ARHGAP24: variants seen among roughly 807,000 people sequenced by gnomAD.
ARHGAP24 encodes rho GTPase-activating protein 24.
A neutral mutation model predicts 76.4 loss-of-function variants in ARHGAP24; 50 were observed. That is an observed-to-expected ratio of 0.65 (90% CI 0.52 to 0.83). The LOEUF (loss-of-function observed/expected upper bound fraction) is 0.83, where lower values mean the gene tolerates loss of function less well. ARHGAP24 is among the 40% of genes least tolerant of loss of function. The probability of loss-of-function intolerance (pLI) is 0.00; values close to 1 mark genes in which losing one functional copy is unlikely to be tolerated. For synonymous variants in ARHGAP24, 345 were observed against 323.3 expected, an observed-to-expected ratio of 1.07 and a Z score of -0.72; for missense variants, 930 against 914.2, an observed-to-expected ratio of 1.02 and a Z score of -0.22.
chr4:85,856,633 G>A (rs1051189263), intron 3 of ARHGAP24, among the ~76,000 whole-genome samples: 5 of 151,720 alleles, frequency 3.3e-5, no homozygotes, highest in Admixed American at 6.6e-5. Flanking sequence ...ACCACATCCC[G>A]CTAATTTTTG....
Position 85,755,644 on chromosome 4 carries a change from TTG to T in ARHGAP24, c.268+33674_268+33675del, listed in dbSNP as rs200138817. 5.5e-3 allele frequency among the ~76,000 whole-genome samples: 516 copies of T among 94,610 alleles called. 40 individuals are homozygous for T. The highest frequency in any genetic ancestry group is 0.011 in the Admixed American group (76 of 7,178). 62.1% of individuals were successfully genotyped at this position (94,610 alleles called of 152,430 possible). A position where few individuals can be genotyped will look rare whatever the true frequency, so the allele number is the denominator to read the frequency against. On this transcript the variant is annotated intron_variant, in intron 3 of 9. Coordinates refer to ENST00000395184, the MANE Select transcript of ARHGAP24 (RefSeq NM_001025616.3). ...TTCTTTTGTTTTGTTTTGTTTTGTT[TTG>T]TTTTGAGACGGAGTCTCGTTCTGTT...
chr4:85,542,912 T>G (rs938486447), intron 1 of ARHGAP24, among the ~76,000 whole-genome samples: 3 of 151,700 alleles, frequency 2.0e-5, no homozygotes, highest in African/African-American at 7.3e-5. Context: ...AGCATCTATT[T>G]AACGGGGTTA....
At chr4:85,876,429 G>T (rs72970075) in intron 3 of ARHGAP24, among the ~76,000 whole-genome samples, 2 of 152,062 alleles carry the variant, frequency 1.3e-5, no homozygotes, top group Non-Finnish European at 2.9e-5. Context: ...ACCCGTTACC[G>T]AGCCAGCTGC....
chr4:85,986,099 C>G (rs1274393825), intron 8 of ARHGAP24, among the ~76,000 whole-genome samples: 1 of 152,082 alleles, frequency 6.6e-6, no homozygotes, highest in Non-Finnish European at 1.5e-5. Flanking sequence ...AACATGGAGA[C>G]TGCTTTATTT....
At chr4:85,770,926 G>A (rs1727108457) in intron 3 of ARHGAP24, among the ~76,000 whole-genome samples, 1 of 152,174 alleles carries the variant, frequency 6.6e-6, no homozygotes, top group Admixed American at 6.6e-5. Context: ...ATTTGATTTA[G>A]TTGGGTGTTC....
At chr4:85,663,626 G>A (rs1365689241) in intron 2 of ARHGAP24, among the ~76,000 whole-genome samples, 4 of 149,582 alleles carry the variant, frequency 2.7e-5, no homozygotes, top group African/African-American at 9.9e-5. Context: ...TCCAGTTTTT[G>A]CCCATTCAGT....
chr4:85,520,644 A>G (rs2110110793), intron 1 of ARHGAP24, among the ~76,000 whole-genome samples: 1 of 152,234 alleles, frequency 6.6e-6, no homozygotes, highest in Admixed American at 6.5e-5. Context: ...TGAACCTGTA[A>G]TTTATTGAAC....
intron 2 of ARHGAP24, among the ~76,000 whole-genome samples, chr4:85,662,539 A>G (rs1443625159): frequency 0.013 from 1,995 of 149,018 alleles, 42 homozygotes; most frequent in African/African-American, 0.048. Context: ...CCATTTGTCA[A>G]TTTTGTCTTT....
intron 2 of ARHGAP24, among the ~76,000 whole-genome samples, chr4:85,692,055 T>C (rs1027447883): frequency 6.6e-6 from 1 of 152,218 alleles, no homozygotes; most frequent in Non-Finnish European, 1.5e-5. Context: ...TTTGCTTGTC[T>C]AAAAAGGATT....
At chr4:85,496,600 G>A (rs909892786) in intron 1 of ARHGAP24, among the ~76,000 whole-genome samples, 1 of 152,138 alleles carries the variant, frequency 6.6e-6, no homozygotes, top group Admixed American at 6.5e-5. Flanking sequence ...TCACAACCGT[G>A]AAGTTCAACA....
At chr4:85,957,055 C>T (rs985411280) in intron 5 of ARHGAP24, among the ~76,000 whole-genome samples, 2 of 152,054 alleles carry the variant, frequency 1.3e-5, no homozygotes, top group African/African-American at 4.8e-5. Flanking sequence ...TTTTAGTGAG[C>T]TTTCTTTACT....
At chr4:85,853,278 G>A (rs748742247) in intron 3 of ARHGAP24, among the ~76,000 whole-genome samples, 1 of 152,266 alleles carries the variant, frequency 6.6e-6, no homozygotes, top group East Asian at 1.9e-4. Flanking sequence ...GGGTCCCACT[G>A]AGCCAGGCAC....
intron 2 of ARHGAP24, among the ~76,000 whole-genome samples, chr4:85,630,463 G>C (rs909377995): frequency 6.6e-6 from 1 of 152,154 alleles, no homozygotes; most frequent in African/African-American, 2.4e-5. Context: ...TGAAGAAGTA[G>C]TACCTCCTGT....
intron 1 of ARHGAP24, among the ~76,000 whole-genome samples, chr4:85,556,618 G>A (rs949488852): frequency 1.3e-5 from 2 of 152,192 alleles, no homozygotes; most frequent in East Asian, 1.9e-4. Flanking sequence ...AAGTGTTCAG[G>A]TGGGGGCAGG....
chr4:85,977,900 C>T (rs571129952), intron 8 of ARHGAP24, among the ~76,000 whole-genome samples: 7 of 152,224 alleles, frequency 4.6e-5, no homozygotes, highest in Middle Eastern at 3.4e-3. Context: ...ATATACTAAA[C>T]GCCTCTTCAT....
chr4:85,923,817 C>T (rs765160080), intron 4 of ARHGAP24, 47 bp downstream of exon 4: 30 of 1,612,800 alleles, frequency 1.9e-5, no homozygotes, highest in Middle Eastern at 1.7e-4. Context: ...TAGACCAAAC[C>T]TGTTCATCCC....
chr4:85,684,251 T>G (rs192336721), intron 2 of ARHGAP24, among the ~76,000 whole-genome samples: 1 of 152,224 alleles, frequency 6.6e-6, no homozygotes, highest in South Asian at 2.1e-4. Flanking sequence ...CACATCTTTG[T>G]CAACACTTGT....
chr4:85,522,970 A>G (rs1724846917), intron 1 of ARHGAP24, among the ~76,000 whole-genome samples: 1 of 152,136 alleles, frequency 6.6e-6, no homozygotes, highest in Non-Finnish European at 1.5e-5. Flanking sequence ...GTATGTAAAT[A>G]GCTTGCTTAT....
chr4:85,659,012 A>G (rs909744088), intron 2 of ARHGAP24, among the ~76,000 whole-genome samples: 1 of 152,226 alleles, frequency 6.6e-6, no homozygotes, highest in African/African-American at 2.4e-5. Flanking sequence ...ACTCTGAGAC[A>G]GTGCCTCTTA....
Sources: gnomAD v4.1 joint callset for allele counts (sites outside exome capture counted in the v4.1 genomes callset) on GRCh38, gnomAD v4.1.1 for gene constraint, MANE v1.5 for transcripts, NCBI Gene and HGNC (gene_info 2026-07-23, HGNC 2026-07-21) for gene names.